Variants in CNTNAP5 observed in about 807,000 individuals in gnomAD.
CNTNAP5 encodes contactin associated protein family member 5, also known as contactin-associated protein-like 5.
A neutral mutation model predicts 150.2 loss-of-function variants in CNTNAP5; 72 were observed. The ratio of observed to expected loss-of-function variants is 0.48; its 90% CI spans 0.40 to 0.58. The LOEUF (loss-of-function observed/expected upper bound fraction) is 0.58. CNTNAP5 is among the 20% of genes least tolerant of loss of function. The probability of loss-of-function intolerance (pLI) is 0.00; values close to 1 mark genes in which losing one functional copy is unlikely to be tolerated. For missense variants in CNTNAP5, 1,636 were observed against 1,626.2 expected (o/e 1.01, Z -0.10); for synonymous variants, 672 against 619.8 (o/e 1.08, Z -1.25).
At chr2:124,539,849 T>A (rs1451618655) in intron 10 of CNTNAP5, among the ~76,000 whole-genome samples, 1 of 152,182 alleles carries the variant, frequency 6.6e-6, no homozygotes, top group African/African-American at 2.4e-5. Context: ...AAGTGATTAA[T>A]GTTTTCACTT....
chr2:124,237,935 T>C (rs751967939), intron 2 of CNTNAP5, among the ~76,000 whole-genome samples: 2 of 152,162 alleles, frequency 1.3e-5, no homozygotes, highest in East Asian at 1.9e-4. Flanking sequence ...TTGGTTCCTA[T>C]TGAAACCTCA....
intron 1 of CNTNAP5, among the ~76,000 whole-genome samples, chr2:124,164,720 A>G (rs1530104): frequency 0.33 from 49,939 of 152,094 alleles, 9,206 homozygotes; most frequent in Admixed American, 0.4. Context: ...AGGGCCACGT[A>G]AATCACATAA....
chr2:124,275,859 G>T (rs544988326), intron 3 of CNTNAP5, among the ~76,000 whole-genome samples: 1 of 152,084 alleles, frequency 6.6e-6, no homozygotes, highest in African/African-American at 2.4e-5. Context: ...CCTCCCAAGT[G>T]ACCCAATGAG....
At chr2:124,105,663 G>A (rs1287602517) in intron 1 of CNTNAP5, among the ~76,000 whole-genome samples, 1 of 151,528 alleles carries the variant, frequency 6.6e-6, no homozygotes, top group African/African-American at 2.4e-5. Context: ...GCATATTTTT[G>A]GTATTCATTA....
At chr2:124,621,668 G>A (rs1677617036) in intron 12 of CNTNAP5, among the ~76,000 whole-genome samples, 1 of 152,164 alleles carries the variant, frequency 6.6e-6, no homozygotes, top group African/African-American at 2.4e-5. Context: ...GCCTAAATTG[G>A]TAGCCTTGCT....
intron 21 of CNTNAP5, among the ~76,000 whole-genome samples, chr2:124,885,956 C>T (rs923156124): frequency 1.3e-5 from 2 of 151,852 alleles, no homozygotes; most frequent in African/African-American, 4.8e-5. Flanking sequence ...ATTTAAATAC[C>T]TGTTTTTAAT....
chr2:124,863,630 T>G (rs1677569693), intron 19 of CNTNAP5, among the ~76,000 whole-genome samples: 1 of 152,204 alleles, frequency 6.6e-6, no homozygotes, highest in Non-Finnish European at 1.5e-5. Context: ...TATTCTGAAA[T>G]TCTATGAGTA....
chr2:124,341,909 T>G (rs1484278312), intron 3 of CNTNAP5, among the ~76,000 whole-genome samples: 2 of 152,164 alleles, frequency 1.3e-5, no homozygotes, highest in African/African-American at 2.4e-5. Flanking sequence ...AGAAAACTGA[T>G]AATTTTAATT....
At chr2:124,707,922 C>T (rs1679726210) in intron 13 of CNTNAP5, among the ~76,000 whole-genome samples, 1 of 152,214 alleles carries the variant, frequency 6.6e-6, no homozygotes, top group Non-Finnish European at 1.5e-5. Context: ...TATATACAAG[C>T]AATGCTTCCA....
At chr2:124,777,649 C>T (rs149144031) in intron 17 of CNTNAP5, among the ~76,000 whole-genome samples, 44 of 152,272 alleles carry the variant, frequency 2.9e-4, no homozygotes, top group African/African-American at 9.9e-4. Flanking sequence ...GCCCAGATTG[C>T]TCCCTACTAT....
intron 17 of CNTNAP5, among the ~76,000 whole-genome samples, chr2:124,787,425 C>T (rs1345079650): frequency 1.3e-5 from 2 of 152,144 alleles, no homozygotes; most frequent in Admixed American, 1.3e-4. Flanking sequence ...GGGGTTTGGC[C>T]TCCTGGCCTG....
chr2:124,236,893 G>A (rs953707193), intron 2 of CNTNAP5, among the ~76,000 whole-genome samples: 30 of 152,262 alleles, frequency 2.0e-4, no homozygotes, highest in African/African-American at 6.5e-4. Context: ...TTGGGAGGAC[G>A]AGGCGGGTGG....
At chr2:124,361,262 C>CCATA (rs1208119741) in intron 3 of CNTNAP5, among the ~76,000 whole-genome samples, 1 of 143,758 alleles carries the variant, frequency 7.0e-6, no homozygotes. Context: ...GAATGTCCTC[C>CCATA]CATAGCTCAG....
chr2:124,838,175 G>A (rs1263188597), intron 19 of CNTNAP5, among the ~76,000 whole-genome samples: 1 of 152,098 alleles, frequency 6.6e-6, no homozygotes, highest in Admixed American at 6.6e-5. Context: ...GGAATATTAT[G>A]TGCCAGATAC....
intron 1 of CNTNAP5, among the ~76,000 whole-genome samples, chr2:124,045,864 C>T (rs1475765062): frequency 1.3e-5 from 2 of 152,176 alleles, no homozygotes; most frequent in Non-Finnish European, 2.9e-5. Flanking sequence ...ATGGGTGCCA[C>T]ATTAGGACCC....
At chr2:124,406,306 C>A (rs1573971508) in intron 3 of CNTNAP5, among the ~76,000 whole-genome samples, 1 of 152,140 alleles carries the variant, frequency 6.6e-6, no homozygotes, top group Non-Finnish European at 1.5e-5. Context: ...TGGAGTGTTA[C>A]ATGAATGTAA....
intron 19 of CNTNAP5, among the ~76,000 whole-genome samples, chr2:124,820,455 G>A (rs1200285253): frequency 1.3e-5 from 2 of 150,242 alleles, no homozygotes; most frequent in African/African-American, 5.0e-5. Context: ...CCTCAGGTGA[G>A]GTGGAAAGGA....
At chr2:124,761,486 A>C (rs1680954800) in intron 14 of CNTNAP5, among the ~76,000 whole-genome samples, 1 of 152,108 alleles carries the variant, frequency 6.6e-6, no homozygotes, top group South Asian at 2.1e-4. Context: ...TTTTTACATT[A>C]AGATTCTAGC....
At chr2:124,139,974 C>T (rs891191420) in intron 1 of CNTNAP5, among the ~76,000 whole-genome samples, 26 of 152,224 alleles carry the variant, frequency 1.7e-4, no homozygotes, top group Admixed American at 1.3e-3. Flanking sequence ...TTGCCTCACT[C>T]GGGAAGCGCA....
Sources: gnomAD v4.1 joint callset for allele counts (sites outside exome capture counted in the v4.1 genomes callset) on GRCh38, gnomAD v4.1.1 for gene constraint, MANE v1.5 for transcripts, NCBI Gene and HGNC (gene_info 2026-07-23, HGNC 2026-07-21) for gene names.